The following FIS1 variants were observed in gnomAD, a reference collection of about 807,000 sequenced individuals.
FIS1 encodes fission, mitochondrial 1.
In FIS1, 16 loss-of-function variants were observed where a neutral mutation model predicts 21.6. The observed-to-expected ratio is 0.74, with a 90% CI of 0.50 to 1.12. The LOEUF is 1.12. FIS1 is among the 50% of genes most tolerant of loss of function. The pLI, the probability that FIS1 is intolerant of heterozygous loss-of-function variation, is 0.00. For synonymous variants in FIS1, 92 were observed against 82.2 expected (o/e 1.12, Z -0.65); for missense variants, 198 against 190.9 (o/e 1.04, Z -0.22).
chr7:101,240,329 T>C (rs914990438), intron 3 of FIS1, 82 bp from the exon 4 acceptor site: 34 of 1,419,332 alleles, frequency 2.4e-5, no homozygotes, highest in Non-Finnish European at 3.3e-5. Flanking sequence ...GACGGGGTCT[T>C]GCTCTGTTGC....
At chr7:101,242,290 T>C (rs916097904) in intron 2 of FIS1, among the ~76,000 whole-genome samples, 1 of 152,146 alleles carries the variant, frequency 6.6e-6, no homozygotes, top group Non-Finnish European at 1.5e-5. Flanking sequence ...CTAGAATTTG[T>C]TGCTAAATAA....
At chr7:101,241,545 A>G (rs948108733) in intron 2 of FIS1, 1 of 150,568 alleles carries the variant, frequency 6.6e-6, no homozygotes, top group Non-Finnish European at 1.5e-5. Context: ...AAAAAAAAAA[A>G]GTTAGGACTC....
intron 2 of FIS1, 68 bp from the exon 3 acceptor site, chr7:101,240,974 G>A: frequency 6.7e-7 from 1 of 1,503,674 alleles, no homozygotes; most frequent in Admixed American, 1.7e-5. Flanking sequence ...CTGTGTCCCA[G>A]AGGCCCCTTC....
At chr7:101,240,942 C>G (rs1350644266) in intron 2 of FIS1, 36 bp from the exon 3 acceptor site, 4 of 1,598,748 alleles carry the variant, frequency 2.5e-6, no homozygotes, top group Non-Finnish European at 3.4e-6. Flanking sequence ...AGAAATGCTT[C>G]TTTCCTAATA....
chr7:101,244,822 G>A lies in FIS1; in HGVS notation c.45+138C>T, dbSNP rs1417409400. 9 of 1,028,920 alleles carry A rather than the reference G, an allele frequency of 8.7e-6. No individual in the cohort carries two copies. In the East Asian group the frequency reaches 1.3e-4, roughly 15 times the overall value. 63.7% of individuals were successfully genotyped at this position (1,028,920 alleles called of 1,614,324 possible). On this transcript the variant is annotated intron_variant, in intron 1 of 4. Transcript: ENST00000223136. ...CAGGCCCTCCGGGCAGGAGCCAGGCGCTGTGGAGGCTGCCGGGAGCCGTAG... is the reference window on the plus strand; with the variant it reads ...CAGGCCCTCCGGGCAGGAGCCAGGCACTGTGGAGGCTGCCGGGAGCCGTAG...
rs773231640 is a variant in FIS1, at chr7:101,244,081, T to G, written c.104A>C (p.Gln35Pro). The G allele has an allele frequency of 6.2e-7, 1 of 1,614,154 alleles. No homozygotes were observed. The highest frequency in any genetic ancestry group is 1.3e-5 in the African/African-American group (1 of 75,080). Residue 35 changes from glutamine to proline, a missense_variant, in exon 2 of 5, where the codon CAG becomes CCG. Coordinates refer to ENST00000223136, the MANE Select transcript of FIS1 (RefSeq NM_016068.3). ...KAAGSVSKST[Q>P]FEYAWCLVRS... ...CACCAGGCACCAGGCGTACTCAAACTGCGTGCTCTTGGACACCGAGCCTGC... is the reference window on the plus strand; with the variant it reads ...CACCAGGCACCAGGCGTACTCAAACGGCGTGCTCTTGGACACCGAGCCTGC...
In FIS1 at chr7:101,240,126, G is replaced by A. The variant is rs1435498118; in HGVS notation, c.361+16C>T. The A allele has an allele frequency of 6.2e-7, 1 of 1,613,516 alleles. No homozygotes were observed. The highest frequency in any genetic ancestry group is 1.1e-5 in the South Asian group (1 of 91,072). ...TGGGGAAGAGCGGGGCTGAACAAAG[G>A]GGCCGAGGCTGTCACCTTTCTTCAT... On this transcript the variant is annotated intron_variant, in intron 4 of 4. Transcript: ENST00000223136.
chr7:101,243,979 G>C, intron 2 of FIS1, 28 bp downstream of exon 2: 1 of 1,594,826 alleles, frequency 6.3e-7, no homozygotes, highest in Non-Finnish European at 8.6e-7. Flanking sequence ...CCAGATGGCA[G>C]CGGGAAAGGG....
chr7:101,240,269 C>A (rs573640092), intron 3 of FIS1, 22 bp from the exon 4 acceptor site: 2 of 1,608,130 alleles, frequency 1.2e-6, no homozygotes, highest in African/African-American at 1.3e-5. Context: ...GAAACGCGCA[C>A]GCGTCATACA....
At position 101,244,088 on chromosome 7, in the gene FIS1, T is replaced by C; in HGVS notation, c.97A>G (p.Ser33Gly). The C allele has an allele frequency of 6.2e-7, 1 of 1,614,102 alleles. No homozygotes were observed. Among genetic ancestry groups the C allele is most frequent in the Non-Finnish European group, 8.5e-7 (1 of 1,179,974 alleles). Residue 33 changes from serine (S) to glycine (G), a missense_variant, in exon 2 of 5, where the codon AGC becomes GGC. Ser to Gly is a moderately conservative substitution (Grantham distance 56, BLOSUM62 0). Transcript: ENST00000223136. ...CACCAGGCGTACTCAAACTGCGTGC[T>C]CTTGGACACCGAGCCTGCTGCCTTC... ...SEKAAGSVSK[S>G]TQFEYAWCLV...
Position 101,240,915 on chromosome 7 carries a change from G to A in FIS1, c.179-9C>T. 1.9e-6 allele frequency: 3 copies of A among 1,613,890 alleles called. No homozygotes were observed. Among genetic ancestry groups the A allele is most frequent in the Non-Finnish European group, 1.7e-6 (2 of 1,179,810 alleles). On this transcript the variant is annotated splice_polypyrimidine_tract_variant and intron_variant, in intron 2 of 4. Coordinates refer to ENST00000223136, the MANE Select transcript of FIS1 (RefSeq NM_016068.3). ...CCCTTTGGGCAGCAGCTCTGGGGAG[G>A]GGCAGAGAAGAGGGTGAGAAATGCT... is the stretch of plus-strand genomic sequence containing the variant.
chr7:101,244,806 C>A (rs1798794264), intron 1 of FIS1, 154 bp downstream of exon 1: 1 of 862,818 alleles, frequency 1.2e-6, no homozygotes, highest in African/African-American at 1.7e-5. Context: ...GCAGGCCCTC[C>A]GGGCAGGAGC....
At position 101,245,030 on chromosome 7, in the gene FIS1, C is replaced by T; in HGVS notation, c.-26G>A. 6.2e-7 allele frequency: 1 copy of T among 1,613,520 alleles called. No homozygotes were observed. Among genetic ancestry groups the T allele is most frequent in the Non-Finnish European group, 8.5e-7 (1 of 1,179,716 alleles). ...GGCCACTGCCCCCGCGAGCCTCACA[C>T]TACAGTCTACTGTGCCACAGTCTCC... On this transcript the variant is annotated 5_prime_UTR_variant, in exon 1 of 5. In the 5' UTR this introduces an upstream ATG that the reference lacks. Coordinates refer to ENST00000223136, the MANE Select transcript of FIS1 (RefSeq NM_016068.3).
intron 2 of FIS1, among the ~76,000 whole-genome samples, chr7:101,243,405 A>G (rs1405787866): frequency 2.0e-5 from 3 of 152,118 alleles, no homozygotes; most frequent in Non-Finnish European, 2.9e-5. Context: ...GTGAAACCCT[A>G]TCTCTACAAA....
Position 101,244,150 on chromosome 7 carries a change from G to A in FIS1, c.46-11C>T, listed in dbSNP as rs778625205. 1.2e-6 allele frequency: 2 copies of A among 1,611,888 alleles called. No individual in the cohort carries two copies. The highest frequency in any genetic ancestry group is 4.5e-5 in the East Asian group (2 of 44,788). On this transcript the variant is annotated splice_polypyrimidine_tract_variant and intron_variant, in intron 1 of 4. Transcript: ENST00000223136. ...TTTCTTTTCAAACTTCTGCCACAGG[G>A]GAGGAAAGGAATCATTTAGAAATGT...
At chr7:101,244,470 G>A (rs890654654) in intron 1 of FIS1, 7 of 349,800 alleles carry the variant, frequency 2.0e-5, no homozygotes, top group East Asian at 1.8e-4. Context: ...CAGCCCACGC[G>A]GTCCTCATTT....
chr7:101,240,013 A>T, intron 4 of FIS1, 110 bp from the exon 5 acceptor site: 1 of 1,407,418 alleles, frequency 7.1e-7, no homozygotes, highest in Non-Finnish European at 9.9e-7. Flanking sequence ...CTGGAGTCGC[A>T]GGGCAAGGGG....
At chr7:101,243,927 C>T in intron 2 of FIS1, 80 bp downstream of exon 2, 2 of 1,521,274 alleles carry the variant, frequency 1.3e-6, no homozygotes, top group Non-Finnish European at 1.8e-6. Flanking sequence ...CCGGAGACAA[C>T]TCAGAGGTGC....
At chr7:101,241,523 A>G (rs1000444470) in intron 2 of FIS1, 1 of 148,920 alleles carries the variant, frequency 6.7e-6, no homozygotes, top group Non-Finnish European at 1.5e-5. Flanking sequence ...CCTGCTGTAC[A>G]ATTATTGTTT....
Sources: gnomAD v4.1 joint callset for allele counts (sites outside exome capture counted in the v4.1 genomes callset) on GRCh38, gnomAD v4.1.1 for gene constraint, MANE v1.5 for transcripts, NCBI Gene and HGNC (gene_info 2026-07-23, HGNC 2026-07-21) for gene names.